Variants in OPCML observed in about 807,000 individuals in gnomAD.
The protein encoded by OPCML is opioid binding protein/cell adhesion molecule like.
In OPCML, 13 loss-of-function variants were observed where a neutral mutation model predicts 37.8. That is an observed-to-expected ratio of 0.34 (90% CI 0.22 to 0.55). The LOEUF is 0.55. OPCML is among the 20% of genes least tolerant of loss of function. OPCML has a pLI of 0.91. For synonymous variants in OPCML, 176 were observed against 168.8 expected (o/e 1.04, Z -0.33); for missense variants, 341 against 435.6 (o/e 0.78, Z 1.93).
At chr11:133,522,648 G>T (rs886072527) in intron 1 of OPCML, among the ~76,000 whole-genome samples, 2 of 152,154 alleles carry the variant, frequency 1.3e-5, no homozygotes, top group African/African-American at 4.8e-5. Flanking sequence ...GGGAGGCAAA[G>T]TTCAGTCCAG....
At chr11:133,249,414 C>G (rs1941053914) in intron 1 of OPCML, among the ~76,000 whole-genome samples, 1 of 152,174 alleles carries the variant, frequency 6.6e-6, no homozygotes, top group Non-Finnish European at 1.5e-5. Context: ...TATGAGATAT[C>G]TGCCCCCATG....
intron 1 of OPCML, among the ~76,000 whole-genome samples, chr11:133,473,186 G>A (rs557264913): frequency 6.6e-6 from 1 of 152,248 alleles, no homozygotes; most frequent in South Asian, 2.1e-4. Context: ...CCTAAGGCAG[G>A]CAACAAGGTT....
intron 1 of OPCML, among the ~76,000 whole-genome samples, chr11:133,062,975 C>T (rs1005348199): frequency 6.6e-6 from 1 of 152,264 alleles, no homozygotes; most frequent in East Asian, 1.9e-4. Context: ...GTAAAGACAG[C>T]CGCATCCTCC....
chr11:133,399,249 C>A (rs1005718456), intron 1 of OPCML, among the ~76,000 whole-genome samples: 2 of 152,150 alleles, frequency 1.3e-5, no homozygotes, highest in Non-Finnish European at 2.9e-5. Context: ...CTAGCTCAGG[C>A]CTGCCATCTC....
At chr11:132,931,828 C>A (rs900714691) in intron 2 of OPCML, among the ~76,000 whole-genome samples, 1 of 152,152 alleles carries the variant, frequency 6.6e-6, no homozygotes, top group Non-Finnish European at 1.5e-5. Flanking sequence ...TATTTGTACA[C>A]CTAGGTTCAT....
rs551178876 is a variant in OPCML at position 132,568,450 on chromosome 11, T to C, written c.380-39264A>G. On this transcript the variant is annotated intron_variant, in intron 3 of 7. Coordinates refer to ENST00000524381, the MANE Select transcript of OPCML (RefSeq NM_001012393.5). ...ATGACTTTATTTGGAAACAGGGTCT[T>C]TGCAGACATAACTATACTGGATTAG... 2.6e-5 allele frequency among the ~76,000 whole-genome samples: 4 copies of C among 152,298 alleles called. No homozygotes were observed. In the East Asian group the frequency reaches 7.7e-4, roughly 29 times the overall value.
At chr11:133,210,400 T>TCTCTCTCCCTC (rs1345173317) in intron 1 of OPCML, among the ~76,000 whole-genome samples, 1 of 152,092 alleles carries the variant, frequency 6.6e-6, no homozygotes, top group Non-Finnish European at 1.5e-5. Flanking sequence ...GCCCCTCCCT[T>TCTCTCTCCCTC]CTCTCTCCCT....
chr11:132,626,185 A>T (rs1939727618), intron 3 of OPCML, among the ~76,000 whole-genome samples: 2 of 151,334 alleles, frequency 1.3e-5, no homozygotes, highest in Admixed American at 1.3e-4. Context: ...TAGAGGAGGA[A>T]ATGGTCACTC....
chr11:133,215,512 C>G (rs1404727641), intron 1 of OPCML, among the ~76,000 whole-genome samples: 2 of 152,178 alleles, frequency 1.3e-5, no homozygotes, highest in Non-Finnish European at 2.9e-5. Flanking sequence ...TCAGTGTATT[C>G]CACGTCCTAT....
At chr11:133,501,961 G>A (rs971032422) in intron 1 of OPCML, among the ~76,000 whole-genome samples, 18 of 151,728 alleles carry the variant, frequency 1.2e-4, no homozygotes, top group African/African-American at 4.1e-4. Context: ...CTCCTCCACA[G>A]CCGCCCCTTC....
At chr11:132,780,518 C>T (rs888365441) in intron 2 of OPCML, among the ~76,000 whole-genome samples, 1 of 152,284 alleles carries the variant, frequency 6.6e-6, no homozygotes, top group Admixed American at 6.5e-5. Context: ...GATGCTGTGG[C>T]ATTTTTGAAA....
intron 1 of OPCML, among the ~76,000 whole-genome samples, chr11:133,087,695 T>C (rs1212436066): frequency 1.3e-5 from 2 of 152,236 alleles, no homozygotes; most frequent in African/African-American, 4.8e-5. Flanking sequence ...TATTAATATA[T>C]CTAACATGCC....
chr11:133,035,089 T>C (rs529711512), intron 1 of OPCML, among the ~76,000 whole-genome samples: 16 of 152,330 alleles, frequency 1.1e-4, no homozygotes, highest in African/African-American at 3.8e-4. Context: ...TAGCCTTTAA[T>C]AAGCATTATC....
chr11:133,007,162 G>A (rs1565394446), intron 1 of OPCML: 1 of 985,332 alleles, frequency 1.0e-6, no homozygotes, highest in Non-Finnish European at 1.2e-6. Context: ...CATGCCCACA[G>A]ATTGTGGCCT....
intron 1 of OPCML, among the ~76,000 whole-genome samples, chr11:133,333,796 G>A (rs1943678973): frequency 6.6e-6 from 1 of 151,674 alleles, no homozygotes; most frequent in Non-Finnish European, 1.5e-5. Context: ...ATTTACAAGA[G>A]AAAAACAAAA....
intron 1 of OPCML, among the ~76,000 whole-genome samples, chr11:133,094,423 A>G (rs1028623389): frequency 1.3e-5 from 2 of 152,170 alleles, no homozygotes; most frequent in African/African-American, 4.8e-5. Flanking sequence ...TGATCCCTTA[A>G]AGAGCCATAG....
At chr11:132,627,645 T>C (rs1939829753) in intron 3 of OPCML, among the ~76,000 whole-genome samples, 4 of 152,152 alleles carry the variant, frequency 2.6e-5, no homozygotes, top group African/African-American at 9.6e-5. Flanking sequence ...ATGATCGACA[T>C]GTAGATGATT....
intron 2 of OPCML, among the ~76,000 whole-genome samples, chr11:132,940,562 A>C (rs2136666443): frequency 6.6e-6 from 1 of 152,340 alleles, no homozygotes; most frequent in Non-Finnish European, 1.5e-5. Context: ...CTGGGGTTGA[A>C]GCCATGGGCT....
intron 1 of OPCML, among the ~76,000 whole-genome samples, chr11:133,284,033 C>T (rs1171096668): frequency 1.3e-5 from 2 of 152,132 alleles, no homozygotes; most frequent in Non-Finnish European, 2.9e-5. Flanking sequence ...GCTCTTTTAC[C>T]AAAATGGAGA....
Sources: allele counts gnomAD v4.1 joint callset (sites outside exome capture counted in the v4.1 genomes callset), GRCh38; gene constraint gnomAD v4.1.1; transcripts MANE v1.5; gene names NCBI Gene and HGNC (gene_info 2026-07-23, HGNC 2026-07-21).